SLC27A1: variants seen among roughly 807,000 people sequenced by gnomAD.
SLC27A1 encodes the protein solute carrier family 27 member 1.
SLC27A1 carries 61 observed loss-of-function variants against 62.2 expected under a neutral mutation model. The observed-to-expected ratio is 0.98, with a 90% CI of 0.80 to 1.21. The LOEUF is 1.21. SLC27A1 is among the 50% of genes most tolerant of loss of function. SLC27A1 has a pLI of 0.00. For missense variants in SLC27A1, 903 were observed against 932.1 expected, an observed-to-expected ratio of 0.97 and a Z score of 0.41; for synonymous variants, 435 against 408.6, an observed-to-expected ratio of 1.06 and a Z score of -0.78.
At position 17,505,840 on chromosome 19, in the gene SLC27A1, T is replaced by C; in HGVS notation, c.*1228T>C. On this transcript the variant is annotated 3_prime_UTR_variant, in exon 12 of 12. Coordinates refer to ENST00000252595, the MANE Select transcript of SLC27A1 (RefSeq NM_198580.3). ...CTCTCAAGCCTCAGGGGTTCTAGCCTGTTGAATATACCCCACCTGGTGGTG... is the reference window on the plus strand; with the variant it reads ...CTCTCAAGCCTCAGGGGTTCTAGCCCGTTGAATATACCCCACCTGGTGGTG... 6.5e-6 allele frequency: 1 copy of C among 152,862 alleles called. No individual in the cohort carries two copies. Among genetic ancestry groups the C allele is most frequent in the Non-Finnish European group, 1.5e-5 (1 of 68,478 alleles). 9.5% of individuals were successfully genotyped at this position (152,862 alleles called of 1,614,324 possible).
At chr19:17,487,142 G>C in intron 2 of SLC27A1, 32 bp from the exon 3 acceptor site, 3 of 1,613,490 alleles carry the variant, frequency 1.9e-6, no homozygotes, top group East Asian at 4.5e-5. Flanking sequence ...CCTGTCCGGC[G>C]GTGACCATGA....
In SLC27A1 at chr19:17,496,829, T is replaced by C. The variant is rs147040979; in HGVS notation, c.997-426T>C. On this transcript the variant is annotated intron_variant, in intron 6 of 11. Transcript: ENST00000252595. ...ACTTTGGGAGGCTGAGGCAGGAGGATTGCTTGAGGCCAGGAGTTCAAGACC... is the reference window on the plus strand; with the variant it reads ...ACTTTGGGAGGCTGAGGCAGGAGGACTGCTTGAGGCCAGGAGTTCAAGACC... The C allele has an allele frequency of 1.7e-4, 27 of 159,236 alleles. No homozygotes were observed. In the East Asian group the frequency reaches 3.5e-3, roughly 21 times the overall value. 9.9% of individuals were successfully genotyped at this position (159,236 alleles called of 1,614,324 possible).
rs557064087 is a variant in SLC27A1, at chr19:17,504,716, C to G, written c.*104C>G. The G allele has an allele frequency of 6.9e-7, 1 of 1,448,932 alleles. No homozygotes were observed. Among genetic ancestry groups the G allele is most frequent in the South Asian group, 1.2e-5 (1 of 84,330 alleles). The allele number at this position is 1,448,932 out of a possible 1,614,324, so 89.8% of individuals were successfully genotyped here. Reference sequence around the variant, plus strand: ...GCCGCCTAGTACACACCCACCTGGCCGAGCTGTACCTGGCACGGCCCATCC... The same window carrying G: ...GCCGCCTAGTACACACCCACCTGGCGGAGCTGTACCTGGCACGGCCCATCC... On this transcript the variant is annotated 3_prime_UTR_variant, in exon 12 of 12. Transcript: ENST00000252595.
intron 1 of SLC27A1, among the ~76,000 whole-genome samples, chr19:17,474,340 T>C (rs1271334977): frequency 1.3e-5 from 2 of 152,210 alleles, no homozygotes; most frequent in Non-Finnish European, 2.9e-5. Flanking sequence ...ACTGTGGCCC[T>C]GCGCCCCACT....
At position 17,472,112 on chromosome 19, in the gene SLC27A1, T is replaced by G. The variant is rs564925264; in HGVS notation, c.167+1405T>G. Among the ~76,000 whole-genome samples the G allele has an allele frequency of 2.6e-5, 4 of 152,310 alleles. No homozygotes were observed. The East Asian group carries it at 7.7e-4, about 29-fold the overall frequency. On this transcript the variant is annotated intron_variant, in intron 1 of 11. Coordinates refer to ENST00000252595, the MANE Select transcript of SLC27A1 (RefSeq NM_198580.3). ...GTTGCCCTTAGAATTGACGCCATAC[T>G]GGCCGGGAGCGGTGGCTCACGCCTG...
At chr19:17,484,367 G>A (rs1013650275) in intron 1 of SLC27A1, among the ~76,000 whole-genome samples, 1 of 152,204 alleles carries the variant, frequency 6.6e-6, no homozygotes, top group African/African-American at 2.4e-5. Flanking sequence ...GCCAAGGGAG[G>A]ACCACCTGAG....
intron 4 of SLC27A1, among the ~76,000 whole-genome samples, chr19:17,487,821 A>G (rs2075252581): frequency 6.6e-6 from 1 of 150,996 alleles, no homozygotes; most frequent in South Asian, 2.1e-4. Context: ...GGCCCCTCTC[A>G]TCCCCCCACC....
chr19:17,486,617 C>T lies in SLC27A1; in HGVS notation c.222C>T (p.Ala74=), dbSNP rs1239916407. 3.8e-6 allele frequency: 6 copies of T among 1,596,910 alleles called. No homozygotes were observed. The highest frequency in any genetic ancestry group is 1.7e-5 in the Admixed American group (1 of 59,274). The change falls in exon 2 of 12, where the codon GCC becomes GCT. Residue 74 remains alanine (A), a synonymous_variant. Transcript: ENST00000252595. This position sits in a 1 kb window ranked among gnomAD's most constrained non-coding sequence, Gnocchi z 6.6. ...TGGAGCTGCGGCGGCACCAGCGTGC[C>T]GGCCACACCATCCCGCGCATCTTTC... ...VRLELRRHQR[A]GHTIPRIFQA...
chr19:17,488,650 C>A, intron 4 of SLC27A1, 198 bp from the exon 5 acceptor site: 1 of 616,612 alleles, frequency 1.6e-6, no homozygotes, highest in African/African-American at 1.8e-5. Context: ...CCTCTATGCC[C>A]CTTGACCCTA....
upstream of SLC27A1, among the ~76,000 whole-genome samples, chr19:17,469,479 CG>C (rs2075052296): frequency 6.6e-6 from 1 of 151,968 alleles, no homozygotes; most frequent in African/African-American, 2.4e-5. Flanking sequence ...TGATATCTTG[CG>C]AGCCACGCCC....
At chr19:17,504,315 C>A in intron 11 of SLC27A1, 140 bp from the exon 12 acceptor site, 1 of 1,067,660 alleles carries the variant, frequency 9.4e-7, no homozygotes, top group Non-Finnish European at 1.4e-6. Context: ...AAGGGGGAAT[C>A]AGGCAGGCAA....
rs114633560 is a variant in SLC27A1, at chr19:17,500,686, C to T, written c.1472-26C>T. 1.9e-3 allele frequency: 3,029 copies of T among 1,614,078 alleles called. 54 individuals are homozygous for T. The African/African-American group carries it at 0.037, about 20-fold the overall frequency. ...GGCTGTGCGGATGGGGATCCTCCAC[C>T]CATCTGCCCCTCTCCCCTCTGCCAG... On this transcript the variant is annotated intron_variant, in intron 9 of 11. Coordinates refer to ENST00000252595, the MANE Select transcript of SLC27A1 (RefSeq NM_198580.3).
intron 6 of SLC27A1, among the ~76,000 whole-genome samples, chr19:17,493,160 G>A (rs2075312134): frequency 6.6e-6 from 1 of 150,644 alleles, no homozygotes; most frequent in Non-Finnish European, 1.5e-5. Flanking sequence ...AGGGCCGGGC[G>A]CGGCGGCTCA....
intron 1 of SLC27A1, among the ~76,000 whole-genome samples, chr19:17,480,718 G>T (rs769951126): frequency 6.6e-6 from 1 of 151,668 alleles, no homozygotes; most frequent in Non-Finnish European, 1.5e-5. Flanking sequence ...CAGGTTGCAC[G>T]TGCTGGTTTG....
chr19:17,469,910 TG>T (rs2075057206), upstream of SLC27A1, among the ~76,000 whole-genome samples: 2 of 13,258 alleles, frequency 1.5e-4, no homozygotes, highest in Non-Finnish European at 3.1e-4. Flanking sequence ...TGCGGGGGGG[TG>T]GGGAGGCATA....
upstream of SLC27A1, chr19:17,469,014 A>G (rs2075048693): frequency 6.6e-6 from 1 of 152,294 alleles, no homozygotes; most frequent in African/African-American, 2.4e-5. Context: ...GCTTCAGGTC[A>G]GCCAGAGAAT....
chr19:17,481,102 T>G (rs1268246526), intron 1 of SLC27A1, among the ~76,000 whole-genome samples: 1 of 151,706 alleles, frequency 6.6e-6, no homozygotes, highest in Non-Finnish European at 1.5e-5. Flanking sequence ...ATTTTGTAAT[T>G]TTAGTTGAGA....
At position 17,486,335 on chromosome 19, in the gene SLC27A1, G is replaced by A. The variant is rs147478107; in HGVS notation, c.168-228G>A. On this transcript the variant is annotated intron_variant, in intron 1 of 11. Coordinates refer to ENST00000252595, the MANE Select transcript of SLC27A1 (RefSeq NM_198580.3). This position sits in a 1 kb window ranked among gnomAD's most constrained non-coding sequence, Gnocchi z 6.6. The stretch of plus-strand genomic sequence containing the variant: ...ACCAAGCCAGCTGGGGTATGGGGGA[G>A]GACAGGGTGACTGGTTTATTACGCT... Among the ~76,000 whole-genome samples the A allele has an allele frequency of 3.5e-4, 53 of 152,320 alleles. 1 individual carries two copies. In the East Asian group the frequency reaches 9.6e-3, roughly 28 times the overall value.
intron 1 of SLC27A1, among the ~76,000 whole-genome samples, chr19:17,482,147 T>C (rs1267008911): frequency 1.3e-5 from 2 of 152,310 alleles, no homozygotes; most frequent in South Asian, 4.1e-4. Context: ...AACAGATGCA[T>C]GCCCTGTCTA....
Sources: gnomAD v4.1 joint callset for allele counts (sites outside exome capture counted in the v4.1 genomes callset) on GRCh38, gnomAD v4.1.1 for gene constraint, Gnocchi (gnomAD v3.1) non-coding constraint, MANE v1.5 for transcripts, NCBI Gene and HGNC (gene_info 2026-07-23, HGNC 2026-07-21) for gene names.